The following PTK2B variants were observed in gnomAD, a reference collection of about 807,000 sequenced individuals.
PTK2B encodes protein-tyrosine kinase 2-beta.
In PTK2B, 71 loss-of-function variants were observed where a neutral mutation model predicts 142.9. The observed-to-expected ratio is 0.50, with a 90% confidence interval of 0.41 to 0.61. The LOEUF is 0.61. Among genes scored for constraint, PTK2B ranks in the 20% least tolerant of loss-of-function variants. The pLI, the probability that PTK2B is intolerant of heterozygous loss-of-function variation, is 0.00. For synonymous variants in PTK2B, 519 were observed against 503.4 expected, an observed-to-expected ratio of 1.03 and a Z score of -0.42; for missense variants, 1,105 against 1,320.4, an observed-to-expected ratio of 0.84 and a Z score of 2.53.
upstream of PTK2B, among the ~76,000 whole-genome samples, chr8:27,321,702 C>T (rs1031336912): frequency 6.6e-6 from 1 of 152,192 alleles, no homozygotes; most frequent in African/African-American, 2.4e-5. Context: ...AGAACTTAAT[C>T]ACATGGTCGC....
intron 1 of PTK2B, among the ~76,000 whole-genome samples, chr8:27,328,515 G>A (rs1200910208): frequency 1.3e-5 from 2 of 152,206 alleles, no homozygotes; most frequent in Non-Finnish European, 2.9e-5. Context: ...CTTCTTTCCA[G>A]TGGCTAAATC....
intron 1 of PTK2B, among the ~76,000 whole-genome samples, chr8:27,385,129 CAG>C (rs1272253379): frequency 1.3e-5 from 2 of 152,278 alleles, no homozygotes; most frequent in African/African-American, 4.8e-5. Flanking sequence ...ATCCATGGGA[CAG>C]GGGGTAATGG....
chr8:27,388,260 G>T (rs1398098904), intron 1 of PTK2B, among the ~76,000 whole-genome samples: 3 of 152,204 alleles, frequency 2.0e-5, no homozygotes, highest in African/African-American at 7.2e-5. Flanking sequence ...CTCAGAGGGG[G>T]ACATGAGATT....
At chr8:27,453,871 C>G (rs952093851) in intron 28 of PTK2B, among the ~76,000 whole-genome samples, 3 of 152,114 alleles carry the variant, frequency 2.0e-5, no homozygotes, top group Non-Finnish European at 4.4e-5. Context: ...GAGATCCTGT[C>G]TCTTCAAAGA....
Position 27,373,882 on chromosome 8 carries a change from A to G in PTK2B, c.-37-23666A>G, listed in dbSNP as rs572174861. 1.8e-4 allele frequency among the ~76,000 whole-genome samples: 27 copies of G among 151,884 alleles called. No homozygotes were observed. The South Asian group carries it at 5.0e-3, about 28-fold the overall frequency. On this transcript the variant is annotated intron_variant, in intron 1 of 30. Coordinates refer to ENST00000346049, the MANE Select transcript of PTK2B (RefSeq NM_173176.3). ...AGAATAGTGAAAAATACGCCTCTTG[A>G]ACAGGAGGTGTTTGGTGGGAGAAGA...
intron 2 of PTK2B, among the ~76,000 whole-genome samples, chr8:27,413,247 C>T (rs536394153): frequency 1.3e-5 from 2 of 152,304 alleles, no homozygotes; most frequent in South Asian, 4.1e-4. Flanking sequence ...CACCGGAATG[C>T]TCCAGGGTTT....
At chr8:27,375,434 C>T (rs1360410791) in intron 1 of PTK2B, among the ~76,000 whole-genome samples, 1 of 152,182 alleles carries the variant, frequency 6.6e-6, no homozygotes, top group Non-Finnish European at 1.5e-5. Context: ...CAGTGGTCAT[C>T]CAGTCATTTC....
chr8:27,357,327 C>T (rs1437624572), intron 1 of PTK2B, among the ~76,000 whole-genome samples: 1 of 152,176 alleles, frequency 6.6e-6, no homozygotes, highest in Non-Finnish European at 1.5e-5. Context: ...ATTTTCTCAC[C>T]ACTTGTATGG....
At chr8:27,453,252 T>C in intron 28 of PTK2B, 92 bp downstream of exon 28, 1 of 1,533,876 alleles carries the variant, frequency 6.5e-7, no homozygotes, top group Non-Finnish European at 9.0e-7. Flanking sequence ...AGTTCTCAGA[T>C]AGAATCCAGT....
chr8:27,433,964 G>C (rs976878072), intron 11 of PTK2B, 129 bp from the exon 12 acceptor site: 16 of 1,273,024 alleles, frequency 1.3e-5, no homozygotes, highest in Non-Finnish European at 1.8e-5. Context: ...TAGCTCCCAG[G>C]CTAGGAGAGA....
chr8:27,426,432 C>G (rs1405313352), intron 5 of PTK2B, among the ~76,000 whole-genome samples: 1 of 152,192 alleles, frequency 6.6e-6, no homozygotes, highest in Admixed American at 6.5e-5. Context: ...TGTTGGCGGT[C>G]CAGGCATATT....
At chr8:27,372,652 A>G (rs1022661326) in intron 1 of PTK2B, among the ~76,000 whole-genome samples, 1 of 152,186 alleles carries the variant, frequency 6.6e-6, no homozygotes, top group African/African-American at 2.4e-5. Flanking sequence ...TCAAGTTGAT[A>G]CAGAAAATTA....
At chr8:27,345,178 G>T (rs892218074) in intron 1 of PTK2B, among the ~76,000 whole-genome samples, 1 of 152,150 alleles carries the variant, frequency 6.6e-6, no homozygotes, top group Admixed American at 6.5e-5. Context: ...GTTAGGGAGA[G>T]GGTCAGATCA....
chr8:27,439,741 A>G (rs927680858), intron 20 of PTK2B, among the ~76,000 whole-genome samples: 1 of 152,120 alleles, frequency 6.6e-6, no homozygotes, highest in Non-Finnish European at 1.5e-5. Flanking sequence ...AGGTGTAGAG[A>G]GACAGCCCCT....
intron 2 of PTK2B, among the ~76,000 whole-genome samples, chr8:27,419,522 T>G (rs2131816237): frequency 6.6e-6 from 1 of 152,362 alleles, no homozygotes; most frequent in Non-Finnish European, 1.5e-5. Flanking sequence ...GTGCAGGAGC[T>G]CAGTGATGCT....
rs770576947 is a variant in PTK2B, at chr8:27,451,485, A to G, written c.2524A>G (p.Thr842Ala). 1.5e-5 allele frequency: 24 copies of G among 1,613,894 alleles called. No homozygotes were observed. The African/African-American group carries it at 2.4e-4, about 16-fold the overall frequency. The part of the protein sequence containing the change: ...MVYMNDKSPL[T>A]PEKEVGYLEF... The stretch of plus-strand genomic sequence containing the variant: ...CTGTTCTCTTTCCTCCTTCCTCCAG[A>G]CGCCAGAGAAGGAGGTCGGCTACCG... Residue 842 changes from threonine to alanine, a missense_variant and splice_region_variant, in exon 27 of 31, where the codon ACG becomes GCG. Coordinates refer to ENST00000346049, the MANE Select transcript of PTK2B (RefSeq NM_173176.3).
intron 2 of PTK2B, among the ~76,000 whole-genome samples, chr8:27,418,735 A>G (rs1252511822): frequency 6.6e-6 from 1 of 152,190 alleles, no homozygotes; most frequent in African/African-American, 2.4e-5. Context: ...CTAAGTTAAA[A>G]TGGCACCAAA....
chr8:27,333,927 C>T (rs1218512653), intron 1 of PTK2B, among the ~76,000 whole-genome samples: 1 of 151,580 alleles, frequency 6.6e-6, no homozygotes, highest in Non-Finnish European at 1.5e-5. Context: ...TTCTTCAATG[C>T]TGTATCTCAG....
intron 2 of PTK2B, among the ~76,000 whole-genome samples, chr8:27,411,034 A>G (rs928043630): frequency 6.6e-6 from 1 of 152,232 alleles, no homozygotes; most frequent in Non-Finnish European, 1.5e-5. Context: ...CTGTAGCAAA[A>G]AACAGTCCTG....
Sources: allele counts gnomAD v4.1 joint callset (sites outside exome capture counted in the v4.1 genomes callset), GRCh38; gene constraint gnomAD v4.1.1; transcripts MANE v1.5; gene names NCBI Gene and HGNC (gene_info 2026-07-23, HGNC 2026-07-21).